The following RPTOR variants were observed in gnomAD, a reference collection of about 807,000 sequenced individuals.
RPTOR encodes regulatory associated protein of MTOR complex 1, also known as regulatory-associated protein of mTOR.
In RPTOR, 21 loss-of-function variants were observed where a neutral mutation model predicts 169.9. The observed-to-expected ratio is 0.12, with a 90% confidence interval of 0.09 to 0.18. The LOEUF (loss-of-function observed/expected upper bound fraction) is 0.18, where lower values mean the gene tolerates loss of function less well. Among genes scored for constraint, RPTOR ranks in the 10% least tolerant of loss-of-function variants. The pLI is 1.00. For synonymous variants in RPTOR, 732 were observed against 753.2 expected (o/e 0.97, Z 0.46); for missense variants, 1,133 against 1,855.9 (o/e 0.61, Z 7.16).
intron 21 of RPTOR, among the ~76,000 whole-genome samples, chr17:80,916,287 G>A (rs564807203): frequency 3.2e-4 from 48 of 152,306 alleles, no homozygotes; most frequent in African/African-American, 9.1e-4. Context: ...AGTTCCTGGC[G>A]TCTCCAAGCT....
chr17:80,774,999 C>G (rs1240851245), intron 6 of RPTOR, among the ~76,000 whole-genome samples: 1 of 152,206 alleles, frequency 6.6e-6, no homozygotes, highest in Non-Finnish European at 1.5e-5. Context: ...CCCTCGGGCT[C>G]CTGGGCCTGT....
intron 1 of RPTOR, among the ~76,000 whole-genome samples, chr17:80,597,758 C>T (rs971351069): frequency 6.6e-6 from 1 of 152,132 alleles, no homozygotes; most frequent in Admixed American, 6.5e-5. Context: ...AAGCCATCTG[C>T]CTGCCTTGGC....
chr17:80,655,226 C>T lies in RPTOR; in HGVS notation c.348+11416C>T, dbSNP rs181893634. Among the ~76,000 whole-genome samples, 64 of 152,238 alleles carry T rather than the reference C, an allele frequency of 4.2e-4. No homozygotes were observed. In the South Asian group the frequency reaches 5.4e-3, roughly 13 times the overall value. ...TCAGCCTCCCGAATAGCTGGGACTG[C>T]AGGCACATGCCACCACACCTGGCTA... On this transcript the variant is annotated intron_variant, in intron 3 of 33. Transcript: ENST00000306801.
chr17:80,793,910 G>T (rs2067075072), intron 7 of RPTOR, among the ~76,000 whole-genome samples: 1 of 152,210 alleles, frequency 6.6e-6, no homozygotes, highest in Admixed American at 6.5e-5. Context: ...GGGCAGGGCT[G>T]GCCTAGAGCT....
rs748998946 is a variant in RPTOR at position 80,809,163 on chromosome 17, G to T, written c.891-13038G>T. ...GTGCCAGTTGTGGCGCATCCATGTC[G>T]ACACTTGGCATTCTGCCTTTTCGGG... is the stretch of plus-strand genomic sequence containing the variant. On this transcript the variant is annotated intron_variant, in intron 7 of 33. Transcript: ENST00000306801. 3.9e-5 allele frequency among the ~76,000 whole-genome samples: 6 copies of T among 152,194 alleles called. No individual in the cohort carries two copies. The South Asian group carries it at 6.2e-4, about 16-fold the overall frequency.
intron 3 of RPTOR, among the ~76,000 whole-genome samples, chr17:80,704,277 C>T (rs1426581520): frequency 6.6e-6 from 1 of 152,194 alleles, no homozygotes; most frequent in Admixed American, 6.5e-5. Context: ...TCCTTCTTTG[C>T]CCCCAGAACT....
intron 20 of RPTOR, among the ~76,000 whole-genome samples, chr17:80,897,995 C>T (rs190542125): frequency 1.3e-5 from 2 of 152,276 alleles, no homozygotes; most frequent in African/African-American, 2.4e-5. Context: ...TCCCTGTCCT[C>T]GGGGGCAATT....
chr17:80,677,059 A>G (rs554841316), intron 3 of RPTOR, among the ~76,000 whole-genome samples: 1 of 152,294 alleles, frequency 6.6e-6, no homozygotes, highest in Admixed American at 6.5e-5. Context: ...GAGGGCGGGA[A>G]GGCTGCTCTC....
Position 80,960,295 on chromosome 17 carries a change from G to C in RPTOR, c.3605+90G>C, listed in dbSNP as rs1423684685. 2.6e-6 allele frequency: 4 copies of C among 1,546,294 alleles called. No homozygotes were observed. Among genetic ancestry groups the C allele is most frequent in the East Asian group, 2.3e-5 (1 of 43,980 alleles). On this transcript the variant is annotated intron_variant, in intron 30 of 33. Transcript: ENST00000306801. The surrounding 1 kb of genome is among the most constrained non-coding windows in gnomAD (Gnocchi z 4.8). The stretch of plus-strand genomic sequence containing the variant: ...TGTCACTGCCATTTGGTTGGGTCCA[G>C]GTTTCTCAGTGAGATGCAAAGCTTC...
At chr17:80,685,200 C>CACCTCATTCGGAGTCGCCCCCCA (rs1567856245) in intron 3 of RPTOR, among the ~76,000 whole-genome samples, 1 of 151,560 alleles carries the variant, frequency 6.6e-6, no homozygotes, top group African/African-American at 2.4e-5. Flanking sequence ...TTCAGGGTCG[C>CACCTCATTCGGAGTCGCCCCCCA]TTGTTGCGTT....
chr17:80,808,979 G>T (rs2067246318), intron 7 of RPTOR, among the ~76,000 whole-genome samples: 1 of 152,230 alleles, frequency 6.6e-6, no homozygotes, highest in African/African-American at 2.4e-5. Flanking sequence ...ACATTCATGT[G>T]CAAGTCTTTG....
chr17:80,633,973 G>A lies in RPTOR; in HGVS notation c.265+8180G>A, dbSNP rs540093264. 4.1e-4 allele frequency among the ~76,000 whole-genome samples: 63 copies of A among 152,314 alleles called. No homozygotes were observed. The South Asian group carries it at 0.013, about 31-fold the overall frequency. ...AGTGGAATGTGGTGTTAGAAACTGA[G>A]ATCTGGGTGCCAGGTGTTCTCTTTG... On this transcript the variant is annotated intron_variant, in intron 2 of 33. Coordinates refer to ENST00000306801, the MANE Select transcript of RPTOR (RefSeq NM_020761.3). This position sits in a 1 kb window ranked among gnomAD's most constrained non-coding sequence, Gnocchi z 4.1.
At chr17:80,782,509 G>T (rs1307153498) in intron 6 of RPTOR, among the ~76,000 whole-genome samples, 1 of 152,132 alleles carries the variant, frequency 6.6e-6, no homozygotes, top group African/African-American at 2.4e-5. Flanking sequence ...AAAATAAACG[G>T]TGTATTTAGC....
At chr17:80,592,025 A>T (rs2065111469) in intron 1 of RPTOR, among the ~76,000 whole-genome samples, 1 of 152,062 alleles carries the variant, frequency 6.6e-6, no homozygotes, top group African/African-American at 2.4e-5. Flanking sequence ...ATGCTTACTC[A>T]TCCTCAGCTT....
intron 9 of RPTOR, among the ~76,000 whole-genome samples, chr17:80,826,335 G>T (rs1365099313): frequency 6.6e-6 from 1 of 152,214 alleles, no homozygotes; most frequent in Non-Finnish European, 1.5e-5. Flanking sequence ...CAGCCCATTT[G>T]CAAGAAACAT....
At chr17:80,710,609 GTGTT>G in intron 4 of RPTOR, among the ~76,000 whole-genome samples, 1 of 149,890 alleles carries the variant, frequency 6.7e-6, no homozygotes, top group African/African-American at 2.5e-5. Flanking sequence ...GTGTGTGTGT[GTGTT>G]AAAGTGGTCA....
intron 13 of RPTOR, 34 bp downstream of exon 13, chr17:80,857,934 T>G: frequency 6.5e-7 from 1 of 1,536,878 alleles, no homozygotes; most frequent in South Asian, 1.1e-5. Flanking sequence ...CAGAGTGATG[T>G]GAACCTGCCG....
At chr17:80,900,912 C>T (rs1393891459) in intron 20 of RPTOR, among the ~76,000 whole-genome samples, 1 of 152,238 alleles carries the variant, frequency 6.6e-6, no homozygotes, top group Non-Finnish European at 1.5e-5. Context: ...TCTGCAGGTC[C>T]CCACGCCCAC....
intron 3 of RPTOR, among the ~76,000 whole-genome samples, chr17:80,694,704 T>C (rs2066021784): frequency 1.3e-5 from 2 of 152,120 alleles, no homozygotes. Context: ...CCCGAGGAGA[T>C]GTGGTATTGG....
Sources: allele counts gnomAD v4.1 joint callset (sites outside exome capture counted in the v4.1 genomes callset), GRCh38; gene constraint gnomAD v4.1.1; non-coding constraint Gnocchi (gnomAD v3.1); transcripts MANE v1.5; gene names NCBI Gene and HGNC (gene_info 2026-07-23, HGNC 2026-07-21).